The following DLG4 variants were observed in gnomAD, a reference collection of about 807,000 sequenced individuals.
The protein encoded by DLG4 is discs large MAGUK scaffold protein 4, also known as disks large homolog 4.
A neutral mutation model predicts 93.8 loss-of-function variants in DLG4; 7 were observed. That is an observed-to-expected ratio of 0.07 (90% CI 0.04 to 0.14). DLG4 has a LOEUF of 0.14. DLG4 is among the 10% of genes least tolerant of loss of function. The probability of loss-of-function intolerance (pLI) is 1.00; values close to 1 mark genes in which losing one functional copy is unlikely to be tolerated. For missense variants in DLG4, 545 were observed against 992.9 expected (o/e 0.55, Z 6.06); for synonymous variants, 341 against 387.6 (o/e 0.88, Z 1.41).
chr17:7,204,130 A>G, intron 3 of DLG4, 63 bp from the exon 4 acceptor site: 8 of 1,599,826 alleles, frequency 5.0e-6, no homozygotes, highest in South Asian at 2.2e-5. Flanking sequence ...CCTGCCCGTC[A>G]TCTGCTGCCC....
rs371496950 is a variant in DLG4 at position 7,196,386 on chromosome 17, C to T, written c.1187-52G>A. On this transcript the variant is annotated intron_variant, in intron 10 of 19. Transcript: ENST00000399506. This position sits in a 1 kb window ranked among gnomAD's most constrained non-coding sequence, Gnocchi z 8.3. The stretch of plus-strand genomic sequence containing the variant: ...GCTCTGTCCCCATCCTACTGTCACC[C>T]CTGTCCTCCCCTACTGAAGCCATCA... The T allele has an allele frequency of 4.4e-6, 7 of 1,608,784 alleles. No individual in the cohort carries two copies. The South Asian group carries it at 5.5e-5, about 13-fold the overall frequency.
rs981997670 is a variant in DLG4, at chr17:7,217,583, G to A, written c.-436C>T. 8 of 1,379,136 alleles carry A rather than the reference G, an allele frequency of 5.8e-6. No individual in the cohort carries two copies. The African/African-American group carries it at 6.2e-5, about 11-fold the overall frequency. 85.4% of individuals were successfully genotyped at this position (1,379,136 alleles called of 1,614,324 possible). A position where few individuals can be genotyped will look rare whatever the true frequency, so the allele number is the denominator to read the frequency against. Reference sequence around the variant, plus strand: ...GGGTGGGGGGGTTGGAAACGGCAGCGGCCGAGGGAGCCGTGGAGCCGAAGA... The same window carrying A: ...GGGTGGGGGGGTTGGAAACGGCAGCAGCCGAGGGAGCCGTGGAGCCGAAGA... On this transcript the variant is annotated 5_prime_UTR_variant, in exon 1 of 20. Coordinates refer to ENST00000399506, the MANE Select transcript of DLG4 (RefSeq NM_001321075.3).
At chr17:7,204,368 GCCACCCTGAGAGCTGCTCAAGGGC>G in intron 2 of DLG4, 116 bp from the exon 3 acceptor site, 1 of 970,816 alleles carries the variant, frequency 1.0e-6, no homozygotes, top group Non-Finnish European at 1.5e-6. Flanking sequence ...AGCCCACTCC[GCCACCCTGAGAGCTGCTCAAGGGC>G]CCAGCCTCAA....
rs1026001598 is a variant in DLG4, at chr17:7,187,357, T to C, written c.*3351A>G. On this transcript the variant is annotated 3_prime_UTR_variant, in exon 20 of 20. Transcript: ENST00000399506. ...GGTCAGGAGTTCGAGACCAGCCTGA[T>C]CAATATGGTGAAATCCCCATCTCTA... Among the ~76,000 whole-genome samples, 10 of 133,244 alleles carry C rather than the reference T, an allele frequency of 7.5e-5. No individual in the cohort carries two copies. The highest frequency in any genetic ancestry group is 1.8e-4 in the Admixed American group (2 of 11,236). The allele number at this position is 133,244 out of a possible 152,430, so 87.4% of individuals were successfully genotyped here. A position where few individuals can be genotyped will look rare whatever the true frequency, so the allele number is the denominator to read the frequency against.
In DLG4 at chr17:7,208,302, C is replaced by G. The variant is rs561946809; in HGVS notation, c.31-63G>C. 2.4e-5 allele frequency: 31 copies of G among 1,288,932 alleles called. No individual in the cohort carries two copies. In the Middle Eastern group the frequency reaches 6.9e-4, roughly 29 times the overall value. 79.8% of individuals were successfully genotyped at this position (1,288,932 alleles called of 1,614,324 possible). ...GGTGCCTCAGGCTCCAGGCTGGCCG[C>G]CCTGGCCGCCGCCTCTTCCCCCAGC... is the stretch of plus-strand genomic sequence containing the variant. On this transcript the variant is annotated intron_variant, in intron 1 of 19. Transcript: ENST00000399506. The surrounding 1 kb of genome is among the most constrained non-coding windows in gnomAD (Gnocchi z 5.4).
In DLG4 at chr17:7,193,447, T is replaced by C. The variant is rs1166599017; in HGVS notation, c.1693+36A>G. The stretch of plus-strand genomic sequence containing the variant: ...GGGCCTCCCCTGCCCCACCCCCACT[T>C]CCACCTTCTCCTCCATCCAAGGCCC... On this transcript the variant is annotated intron_variant, in intron 16 of 19. Transcript: ENST00000399506. The surrounding 1 kb of genome is among the most constrained non-coding windows in gnomAD (Gnocchi z 6.7). The C allele has an allele frequency of 6.7e-7, 1 of 1,500,572 alleles. No individual in the cohort carries two copies. The highest frequency in any genetic ancestry group is 2.3e-5 in the East Asian group (1 of 43,058). The allele number at this position is 1,500,572 out of a possible 1,614,324, so 93.0% of individuals were successfully genotyped here. A position where few individuals can be genotyped will look rare whatever the true frequency, so the allele number is the denominator to read the frequency against.
chr17:7,196,140 G>A lies in DLG4; in HGVS notation c.1301+80C>T. 9.5e-7 allele frequency: 1 copy of A among 1,056,088 alleles called. No individual in the cohort carries two copies. The highest frequency in any genetic ancestry group is 2.5e-5 in the East Asian group (1 of 39,778). The allele number at this position is 1,056,088 out of a possible 1,614,324, so 65.4% of individuals were successfully genotyped here. Reference sequence around the variant, plus strand: ...CTAGAGCAGGCAGGGTGGAGAAGAGGAGCGGCTGAGGCCCGGGCCAGGCAC... The same window carrying A: ...CTAGAGCAGGCAGGGTGGAGAAGAGAAGCGGCTGAGGCCCGGGCCAGGCAC... On this transcript the variant is annotated intron_variant, in intron 11 of 19. Transcript: ENST00000399506. This position sits in a 1 kb window ranked among gnomAD's most constrained non-coding sequence, Gnocchi z 8.3.
At chr17:7,211,340 G>A (rs1297855443) in intron 1 of DLG4, among the ~76,000 whole-genome samples, 1 of 151,830 alleles carries the variant, frequency 6.6e-6, no homozygotes, top group Non-Finnish European at 1.5e-5. Flanking sequence ...ATATATTAGG[G>A]CTTAAAACAA....
Position 7,196,742 on chromosome 17 carries a change from C to T in DLG4, c.1083+15G>A, listed in dbSNP as rs759526446. 5.0e-6 allele frequency: 8 copies of T among 1,594,706 alleles called. No individual in the cohort carries two copies. In the East Asian group the frequency reaches 1.6e-4, roughly 32 times the overall value. On this transcript the variant is annotated intron_variant, in intron 9 of 19. Coordinates refer to ENST00000399506, the MANE Select transcript of DLG4 (RefSeq NM_001321075.3). The surrounding 1 kb of genome is among the most constrained non-coding windows in gnomAD (Gnocchi z 8.3). ...GGGGAGGGGGTGGTGCAGGTAGGGG[C>T]AGGCCTTCCCTCACCGACAGGATCT...
rs889972952 is a variant in DLG4, at chr17:7,196,039, C to T, written c.1301+181G>A. ...GGGGCAGAGGCTATTTTCCCATCGA[C>T]AGGGAGTATTTCAAATGTTAACCTG... On this transcript the variant is annotated intron_variant, in intron 11 of 19. Transcript: ENST00000399506. The surrounding 1 kb of genome is among the most constrained non-coding windows in gnomAD (Gnocchi z 8.3). Among the ~76,000 whole-genome samples, 2 of 152,196 alleles carry T rather than the reference C, an allele frequency of 1.3e-5. No homozygotes were observed. The highest frequency in any genetic ancestry group is 4.8e-5 in the African/African-American group (2 of 41,450).
At chr17:7,199,495 C>T (rs1329458698) in intron 8 of DLG4, among the ~76,000 whole-genome samples, 1 of 151,938 alleles carries the variant, frequency 6.6e-6, no homozygotes, top group Non-Finnish European at 1.5e-5. Context: ...GCCACCGCGC[C>T]CAGCCAAAAT....
Position 7,193,757 on chromosome 17 carries a change from G to A in DLG4, c.1544-43C>T, listed in dbSNP as rs2069623593. The A allele has an allele frequency of 6.2e-7, 1 of 1,608,418 alleles. No individual in the cohort carries two copies. Reference sequence around the variant, plus strand: ...ATCTGCAAGGGGCTCTGAAACAGGGGACCTGGAGCCCTGTCTCCCCCTTGA... The same window carrying A: ...ATCTGCAAGGGGCTCTGAAACAGGGAACCTGGAGCCCTGTCTCCCCCTTGA... On this transcript the variant is annotated intron_variant, in intron 14 of 19. Coordinates refer to ENST00000399506, the MANE Select transcript of DLG4 (RefSeq NM_001321075.3). The surrounding 1 kb of genome is among the most constrained non-coding windows in gnomAD (Gnocchi z 6.7).
Position 7,196,632 on chromosome 17 carries a change from C to G in DLG4, c.1084-57G>C. ...AGACAGGAGGCAGCACTTCTGGGTC[C>G]AGGTGGAGCAGGGAGTGGTCCCGCA... On this transcript the variant is annotated intron_variant, in intron 9 of 19. Transcript: ENST00000399506. This position sits in a 1 kb window ranked among gnomAD's most constrained non-coding sequence, Gnocchi z 8.3. The G allele has an allele frequency of 6.2e-7, 1 of 1,603,936 alleles. No individual in the cohort carries two copies. Among genetic ancestry groups the G allele is most frequent in the Non-Finnish European group, 8.5e-7 (1 of 1,173,164 alleles).
rs933402157 is a variant in DLG4, at chr17:7,208,316, T to C, written c.31-77A>G. On this transcript the variant is annotated intron_variant, in intron 1 of 19. Transcript: ENST00000399506. The surrounding 1 kb of genome is among the most constrained non-coding windows in gnomAD (Gnocchi z 5.4). ...CAGGCTGGCCGCCCTGGCCGCCGCC[T>C]CTTCCCCCAGCCAGTGCAGTGCGGA... is the stretch of plus-strand genomic sequence containing the variant. The C allele has an allele frequency of 1.4e-5, 17 of 1,247,940 alleles. No homozygotes were observed. The highest frequency in any genetic ancestry group is 4.6e-5 in the African/African-American group (3 of 64,752). The allele number at this position is 1,247,940 out of a possible 1,614,324, so 77.3% of individuals were successfully genotyped here. A position where few individuals can be genotyped will look rare whatever the true frequency, so the allele number is the denominator to read the frequency against.
chr17:7,218,669 G>A (rs1470767668), upstream of DLG4: 23 of 1,550,768 alleles, frequency 1.5e-5, no homozygotes, highest in Non-Finnish European at 1.9e-5. Context: ...ATTGGGACAG[G>A]GAAGATGCCA....
chr17:7,207,652 G>A (rs373231656), intron 2 of DLG4, among the ~76,000 whole-genome samples: 169 of 152,022 alleles, frequency 1.1e-3, no homozygotes, highest in Non-Finnish European at 2.0e-3. Context: ...GGTCCCAGGC[G>A]TGGGGGCCTC....
In DLG4 at chr17:7,203,998, G is replaced by C. The variant is rs781361679; in HGVS notation, c.210+10C>G. On this transcript the variant is annotated intron_variant, in intron 4 of 19. Coordinates refer to ENST00000399506, the MANE Select transcript of DLG4 (RefSeq NM_001321075.3). This position sits in a 1 kb window ranked among gnomAD's most constrained non-coding sequence, Gnocchi z 7.2. ...GGCCACGGGGACTGCCGATGGAGGA[G>C]CCTGCTCACCCTTTCCAATGTGATT... is the stretch of plus-strand genomic sequence containing the variant. 6.2e-7 allele frequency: 1 copy of C among 1,610,826 alleles called. No individual in the cohort carries two copies. Among genetic ancestry groups the C allele is most frequent in the Admixed American group, 1.7e-5 (1 of 59,512 alleles).
rs2070225552 is a variant in DLG4 at position 7,202,940 on chromosome 17, G to A, written c.750C>T (p.Tyr250=). 2 of 1,614,040 alleles carry A rather than the reference G, an allele frequency of 1.2e-6. No homozygotes were observed. Among genetic ancestry groups the A allele is most frequent in the Non-Finnish European group, 1.7e-6 (2 of 1,179,898 alleles). The part of the protein sequence containing the change: ...YLKVAKPSNA[Y]LSDSYAPPDI... ...CTGGGGGAGCATAGCTGTCACTCAGGTAGGCATTGCTGGGCTTGGCCACCT... is the reference window on the plus strand; with the variant it reads ...CTGGGGGAGCATAGCTGTCACTCAGATAGGCATTGCTGGGCTTGGCCACCT... The change falls in exon 8 of 20, where the codon TAC becomes TAT. Residue 250 remains tyrosine, a synonymous_variant. Coordinates refer to ENST00000399506, the MANE Select transcript of DLG4 (RefSeq NM_001321075.3).
rs967891562 is a variant in DLG4 at position 7,189,170 on chromosome 17, A to AG, written c.*1537dup. On this transcript the variant is annotated 3_prime_UTR_variant, in exon 20 of 20. Transcript: ENST00000399506. The stretch of plus-strand genomic sequence containing the variant: ...AAAGAAACCTAGCGTATATTCACAC[A>AG]GCAGTTCTTATCAGCAGAACTCTGT... 1.3e-5 allele frequency among the ~76,000 whole-genome samples: 2 copies of AG among 151,348 alleles called. No individual in the cohort carries two copies. Among genetic ancestry groups the AG allele is most frequent in the African/African-American group, 2.4e-5 (1 of 41,200 alleles).
Sources: gnomAD v4.1 joint callset for allele counts (sites outside exome capture counted in the v4.1 genomes callset) on GRCh38, gnomAD v4.1.1 for gene constraint, Gnocchi (gnomAD v3.1) non-coding constraint, MANE v1.5 for transcripts, NCBI Gene and HGNC (gene_info 2026-07-23, HGNC 2026-07-21) for gene names.